STUM: variants seen among roughly 807,000 people sequenced by gnomAD.
STUM encodes stum, mechanosensory transduction mediator homolog, also known as protein stum homolog.
STUM carries 8 observed loss-of-function variants against 15.3 expected under a neutral mutation model. That is an observed-to-expected ratio of 0.52 (90% confidence interval 0.31 to 0.94). The LOEUF is 0.94. Among genes scored for constraint, STUM ranks in the 40% least tolerant of loss-of-function variants. The pLI, the probability that STUM is intolerant of heterozygous loss-of-function variation, is 0.05. For missense variants in STUM, 142 were observed against 204.9 expected, an observed-to-expected ratio of 0.69 and a Z score of 1.87; for synonymous variants, 78 against 88.7, an observed-to-expected ratio of 0.88 and a Z score of 0.68.
At chr1:226,561,895 A>C (rs75721896) in intron 1 of STUM, among the ~76,000 whole-genome samples, 1,772 of 152,172 alleles carry the variant, frequency 0.012, 35 homozygotes, top group African/African-American at 0.041. Flanking sequence ...CTGAATCCTG[A>C]AAAATTGCTA....
intron 2 of STUM, chr1:226,597,269 A>C (rs1318486571): frequency 1.7e-6 from 1 of 594,862 alleles, no homozygotes. Context: ...AAAGGGTTTA[A>C]AGTTACAAAA....
At chr1:226,551,879 T>A (rs1396048460) in intron 1 of STUM, among the ~76,000 whole-genome samples, 1 of 152,122 alleles carries the variant, frequency 6.6e-6, no homozygotes, top group African/African-American at 2.4e-5. Context: ...GAGGGAGTAG[T>A]GTTAGGTTAG....
At chr1:226,560,957 A>G (rs1667532387) in intron 1 of STUM, among the ~76,000 whole-genome samples, 1 of 152,056 alleles carries the variant, frequency 6.6e-6, no homozygotes, top group South Asian at 2.1e-4. Flanking sequence ...GTAGGCCTTT[A>G]TTTGGGAGCA....
intron 1 of STUM, among the ~76,000 whole-genome samples, chr1:226,582,088 C>T (rs1000948605): frequency 3.9e-5 from 6 of 152,346 alleles, no homozygotes; most frequent in African/African-American, 1.4e-4. Flanking sequence ...CCCCAGCCTC[C>T]TCCTGGAAGC....
At chr1:226,562,915 A>G (rs888149145) in intron 1 of STUM, among the ~76,000 whole-genome samples, 2 of 152,236 alleles carry the variant, frequency 1.3e-5, no homozygotes, top group African/African-American at 4.8e-5. Context: ...TGCTATGAAT[A>G]TATAAGAGAA....
chr1:226,572,488 G>A (rs915570236), intron 1 of STUM, among the ~76,000 whole-genome samples: 1 of 152,212 alleles, frequency 6.6e-6, no homozygotes, highest in Non-Finnish European at 1.5e-5. Context: ...TCGGGGAGAT[G>A]GAAAGGGGAA....
At chr1:226,582,100 C>G (rs1667927524) in intron 1 of STUM, among the ~76,000 whole-genome samples, 1 of 152,230 alleles carries the variant, frequency 6.6e-6, no homozygotes, top group African/African-American at 2.4e-5. Context: ...CCTGGAAGCC[C>G]TGGTCCCAGG....
chr1:226,568,561 A>G (rs1211299705), intron 1 of STUM, among the ~76,000 whole-genome samples: 2 of 152,256 alleles, frequency 1.3e-5, no homozygotes, highest in Non-Finnish European at 2.9e-5. Context: ...AGTTTAAAGC[A>G]TCAGTAGCAG....
rs201706496 is a variant in STUM, at chr1:226,549,094, G to C, written c.190G>C (p.Val64Leu). 9.5e-6 allele frequency: 15 copies of C among 1,578,796 alleles called. No homozygotes were observed. Among genetic ancestry groups the C allele is most frequent in the Non-Finnish European group, 1.3e-5 (15 of 1,165,342 alleles). The change falls in exon 1 of 4, where the codon GTG becomes CTG. Residue 64 changes from valine (V) to leucine (L), a missense_variant. Around this residue, in one of 2 missense-constraint regions of STUM, gnomAD observed 113 missense variants for 134.4 expected, o/e 0.84. Transcript: ENST00000366788. This position sits in a 1 kb window ranked among gnomAD's most constrained non-coding sequence, Gnocchi z 6.8. ...CATCTGCCTCTTCCTCAACACTTTCGTGCCGGGACTGGGTAAGACACGGCT... is the reference window on the plus strand; with the variant it reads ...CATCTGCCTCTTCCTCAACACTTTCCTGCCGGGACTGGGTAAGACACGGCT... ...AVICLFLNTF[V>L]PGLGTFVSAF... is the part of the protein sequence containing the mutation.
At chr1:226,559,903 G>T (rs951893437) in intron 1 of STUM, among the ~76,000 whole-genome samples, 27 of 152,196 alleles carry the variant, frequency 1.8e-4, no homozygotes, top group East Asian at 3.9e-4. Context: ...AACCCGGGGG[G>T]GCGGAGCTTG....
chr1:226,549,072 C>G lies in STUM; in HGVS notation c.168C>G (p.Ile56Met). Residue 56 changes from isoleucine (I) to methionine (M), a missense_variant, in exon 1 of 4, where the codon ATC becomes ATG. Ile to Met is a conservative substitution (Grantham distance 10). This residue lies in a region of STUM where 113 missense variants were observed against 134.4 expected (regional missense o/e 0.84). Transcript: ENST00000366788. This position sits in a 1 kb window ranked among gnomAD's most constrained non-coding sequence, Gnocchi z 6.8. ...ACATGCCCTTCCCCGTGGCCGTCAT[C>G]TGCCTCTTCCTCAACACTTTCGTGC... is the stretch of plus-strand genomic sequence containing the variant. ...IPYMPFPVAVICLFLNTFVPG... is the reference protein window; with the variant it reads ...IPYMPFPVAVMCLFLNTFVPG... 6.3e-7 allele frequency: 1 copy of G among 1,580,936 alleles called. No homozygotes were observed. Among genetic ancestry groups the G allele is most frequent in the Non-Finnish European group, 8.6e-7 (1 of 1,166,338 alleles).
At chr1:226,597,124 C>G in intron 2 of STUM, 143 bp downstream of exon 2, 1 of 806,962 alleles carries the variant, frequency 1.2e-6, no homozygotes, top group Admixed American at 2.2e-5. Context: ...GTCCTCTTCA[C>G]AACTCCCTGG....
chr1:226,569,982 A>G (rs1188098492), intron 1 of STUM, among the ~76,000 whole-genome samples: 2 of 152,204 alleles, frequency 1.3e-5, no homozygotes, highest in African/African-American at 4.8e-5. Flanking sequence ...AGACAGGCCC[A>G]CAGCTCACTG....
chr1:226,590,630 T>C (rs1352355180), intron 1 of STUM, among the ~76,000 whole-genome samples: 3 of 152,196 alleles, frequency 2.0e-5, no homozygotes, highest in Non-Finnish European at 4.4e-5. Context: ...AGAGTCCTTG[T>C]CTCTGACTCA....
chr1:226,597,401 A>G (rs73098850), intron 2 of STUM: 9,807 of 474,046 alleles, frequency 0.021, 799 homozygotes, highest in African/African-American at 0.18. Flanking sequence ...CGTTCCCTGT[A>G]TTTTCCCACG....
rs1280598160 is a variant in STUM at position 226,567,505 on chromosome 1, C to G, written c.202+18399C>G. On this transcript the variant is annotated intron_variant, in intron 1 of 3. Transcript: ENST00000366788. The surrounding 1 kb of genome is among the most constrained non-coding windows in gnomAD (Gnocchi z 4.5). ...GATTTAATGAGAAGAGGTAGATGGT[C>G]CCGATGGCCCTAAACAGCATCATTT... 2.6e-5 allele frequency among the ~76,000 whole-genome samples: 4 copies of G among 152,128 alleles called. No individual in the cohort carries two copies. Among genetic ancestry groups the G allele is most frequent in the Non-Finnish European group, 5.9e-5 (4 of 68,014 alleles).
chr1:226,590,091 C>G (rs1483616617), intron 1 of STUM, among the ~76,000 whole-genome samples: 2 of 152,088 alleles, frequency 1.3e-5, no homozygotes, highest in African/African-American at 4.8e-5. Flanking sequence ...ATCCCTTCCC[C>G]CCACCATCCC....
intron 1 of STUM, among the ~76,000 whole-genome samples, chr1:226,578,764 G>A (rs1667864976): frequency 6.6e-6 from 1 of 152,182 alleles, no homozygotes; most frequent in Non-Finnish European, 1.5e-5. Context: ...GCTTCCCTGG[G>A]CAGAGACAAT....
At chr1:226,591,026 C>T (rs1426944255) in intron 1 of STUM, among the ~76,000 whole-genome samples, 7 of 152,292 alleles carry the variant, frequency 4.6e-5, no homozygotes, top group South Asian at 2.1e-4. Flanking sequence ...ATATGGCTGG[C>T]GCTCAATAGA....
Sources: gnomAD v4.1 joint callset for allele counts (sites outside exome capture counted in the v4.1 genomes callset) on GRCh38, gnomAD v4.1.1 for gene constraint, gnomAD v4.1.1 regional missense constraint, Gnocchi (gnomAD v3.1) non-coding constraint, MANE v1.5 for transcripts, NCBI Gene and HGNC (gene_info 2026-07-23, HGNC 2026-07-21) for gene names.